CLNK: variants seen among roughly 807,000 people sequenced by gnomAD.
CLNK encodes cytokine dependent hematopoietic cell linker, also known as cytokine-dependent hematopoietic cell linker.
A neutral mutation model predicts 68.6 loss-of-function variants in CLNK; 74 were observed. The observed-to-expected ratio is 1.08, with a 90% CI of 0.89 to 1.31. The LOEUF is 1.31. CLNK is among the 50% of genes most tolerant of loss of function. CLNK has a pLI of 0.00. For synonymous variants in CLNK, 198 were observed against 172.2 expected (o/e 1.15, Z -1.17); for missense variants, 553 against 515.3 (o/e 1.07, Z -0.71).
intron 2 of CLNK, among the ~76,000 whole-genome samples, chr4:10,636,634 C>G (rs1248441187): frequency 6.6e-6 from 1 of 152,030 alleles, no homozygotes; most frequent in African/African-American, 2.4e-5. Flanking sequence ...GAGGGTGTAG[C>G]AGAAGGAATA....
chr4:10,680,106 C>T (rs755566169), intron 1 of CLNK, among the ~76,000 whole-genome samples: 9 of 152,026 alleles, frequency 5.9e-5, no homozygotes, highest in South Asian at 2.1e-4. Context: ...AACAAAGACT[C>T]GGAACCAACC....
intron 18 of CLNK, among the ~76,000 whole-genome samples, chr4:10,498,423 C>T (rs190038744): frequency 1.4e-3 from 216 of 152,270 alleles, no homozygotes; most frequent in Non-Finnish European, 1.8e-3. Flanking sequence ...ACCCTGCAGG[C>T]GGAGTTTGCA....
chr4:10,668,030 CAGAA>C (rs1304226848), intron 1 of CLNK, 119 bp from the exon 2 acceptor site: 5 of 493,144 alleles, frequency 1.0e-5, no homozygotes, highest in Non-Finnish European at 1.1e-5. Flanking sequence ...AAGGAAATGA[CAGAA>C]AGAGAATCAA....
intron 2 of CLNK, among the ~76,000 whole-genome samples, chr4:10,650,076 A>G (rs927424989): frequency 6.6e-6 from 1 of 152,190 alleles, no homozygotes; most frequent in Non-Finnish European, 1.5e-5. Flanking sequence ...AAAAAATAAA[A>G]ATGAGACATA....
chr4:10,589,501 A>G (rs943505122), intron 3 of CLNK, among the ~76,000 whole-genome samples: 1 of 152,210 alleles, frequency 6.6e-6, no homozygotes, highest in African/African-American at 2.4e-5. Flanking sequence ...TCCGTGCGTC[A>G]ATGCAAGCCA....
At chr4:10,682,106 A>G (rs1432203040) in intron 1 of CLNK, among the ~76,000 whole-genome samples, 1 of 140,236 alleles carries the variant, frequency 7.1e-6, no homozygotes, top group East Asian at 2.1e-4. Context: ...TGATAGCTCT[A>G]TTCCACAATT....
At chr4:10,605,342 C>T (rs1004230026) in intron 2 of CLNK, among the ~76,000 whole-genome samples, 4 of 152,166 alleles carry the variant, frequency 2.6e-5, no homozygotes, top group Non-Finnish European at 5.9e-5. Context: ...AGTGTACTTA[C>T]ACAAACCGAG....
At chr4:10,585,291 C>A (rs971859036) in intron 3 of CLNK, among the ~76,000 whole-genome samples, 2 of 152,196 alleles carry the variant, frequency 1.3e-5, no homozygotes, top group East Asian at 3.8e-4. Context: ...CAAGCTTAGC[C>A]TAAAGCTGCC....
rs768833393 is a variant in CLNK, at chr4:10,540,586, C to A, written c.510G>T (p.Pro170=). 10 of 1,613,474 alleles carry A rather than the reference C, an allele frequency of 6.2e-6. No homozygotes were observed. Among genetic ancestry groups the A allele is most frequent in the South Asian group, 4.4e-5 (4 of 91,066 alleles). ...CAGGGGGCAAGGGTTGGTACTTCTT[C>A]GGAAGTGTTATGAGAGGCCTGTGTG... ...LPPPRPLITL[P]KKYQPLPPEP... is the part of the protein sequence containing the mutation. Residue 170 remains proline, a synonymous_variant, in exon 11 of 19, where the codon CCG becomes CCT. Transcript: ENST00000226951.
At chr4:10,633,854 G>A (rs1338107448) in intron 2 of CLNK, among the ~76,000 whole-genome samples, 1 of 152,194 alleles carries the variant, frequency 6.6e-6, no homozygotes, top group African/African-American at 2.4e-5. Flanking sequence ...TCAGCCCTTT[G>A]TGGTTGGTTG....
chr4:10,614,889 A>C (rs1043104551), intron 2 of CLNK, among the ~76,000 whole-genome samples: 1 of 152,198 alleles, frequency 6.6e-6, no homozygotes, highest in African/African-American at 2.4e-5. Flanking sequence ...CAGAGATTAG[A>C]AGAGCAAAGA....
At chr4:10,700,004 ATG>A in the CLNK span, among the ~76,000 whole-genome samples, 19 of 145,194 alleles carry the variant, frequency 1.3e-4, no homozygotes, top group East Asian at 4.1e-4. Flanking sequence ...GTGTGTGCAT[ATG>A]TGTGTGTGTG....
chr4:10,608,067 T>C (rs921181627), intron 2 of CLNK, among the ~76,000 whole-genome samples: 1 of 152,196 alleles, frequency 6.6e-6, no homozygotes, highest in African/African-American at 2.4e-5. Context: ...GAGATGTGCA[T>C]ATGTAACATG....
intron 2 of CLNK, among the ~76,000 whole-genome samples, chr4:10,664,231 A>G (rs1050265895): frequency 6.8e-3 from 46 of 6,812 alleles, no homozygotes; most frequent in Middle Eastern, 0.024. Context: ...TTAACAAGTA[A>G]AAAAAAAAAA....
chr4:10,616,790 G>GTGTA (rs1369047138), intron 2 of CLNK, among the ~76,000 whole-genome samples: 3 of 64,360 alleles, frequency 4.7e-5, no homozygotes, highest in African/African-American at 1.3e-4. Flanking sequence ...GTGTGTGTGT[G>GTGTA]TATATATATA....
chr4:10,557,034 C>G (rs1349444543), intron 8 of CLNK, among the ~76,000 whole-genome samples: 2 of 151,628 alleles, frequency 1.3e-5, no homozygotes, highest in African/African-American at 4.8e-5. Flanking sequence ...CAAGATCACG[C>G]CACTGCACTC....
the CLNK span, among the ~76,000 whole-genome samples, chr4:10,716,686 C>CTTTTTTTTTT: frequency 1.4e-4 from 18 of 132,932 alleles, no homozygotes; most frequent in South Asian, 2.4e-4. Flanking sequence ...AGACAGAAAA[C>CTTTTTTTTTT]TTTTTTTTTT....
At chr4:10,517,890 T>G (rs1717901073) in intron 15 of CLNK, among the ~76,000 whole-genome samples, 1 of 152,194 alleles carries the variant, frequency 6.6e-6, no homozygotes, top group Admixed American at 6.6e-5. Flanking sequence ...AAATTTTCCC[T>G]GAAAGCCTGG....
chr4:10,499,966 C>T (rs1425753471), intron 18 of CLNK, among the ~76,000 whole-genome samples: 1 of 152,152 alleles, frequency 6.6e-6, no homozygotes, highest in African/African-American at 2.4e-5. Flanking sequence ...CAGTCACATT[C>T]TGGGCTACTG....
Sources: gnomAD v4.1 joint callset for allele counts (sites outside exome capture counted in the v4.1 genomes callset) on GRCh38, gnomAD v4.1.1 for gene constraint, MANE v1.5 for transcripts, NCBI Gene and HGNC (gene_info 2026-07-23, HGNC 2026-07-21) for gene names.